CNP: variants seen among roughly 807,000 people sequenced by gnomAD.
CNP encodes the protein 2',3'-cyclic nucleotide 3' phosphodiesterase.
In CNP, 8 loss-of-function variants were observed where a neutral mutation model predicts 37.9. That is an observed-to-expected ratio of 0.21 (90% CI 0.12 to 0.38). The LOEUF (loss-of-function observed/expected upper bound fraction) is 0.38. Ranked by LOEUF, CNP falls within the 10% of genes least tolerant of loss-of-function variation. The probability of loss-of-function intolerance (pLI) is 1.00; values close to 1 mark genes in which losing one functional copy is unlikely to be tolerated. For synonymous variants in CNP, 237 were observed against 238.3 expected (o/e 0.99, Z 0.05); for missense variants, 457 against 551.0 (o/e 0.83, Z 1.71).
chr17:41,971,414 T>C (rs1478719014), intron 2 of CNP: 1 of 152,268 alleles, frequency 6.6e-6, no homozygotes, highest in Non-Finnish European at 1.5e-5. Context: ...TTTTTTTTTT[T>C]TGGAGACGGA....
At chr17:41,972,911 G>C (rs914456058) in intron 3 of CNP, among the ~76,000 whole-genome samples, 6 of 152,206 alleles carry the variant, frequency 3.9e-5, no homozygotes, top group African/African-American at 1.4e-4. Context: ...GAATCAGATA[G>C]AAGCAGACAT....
At position 41,976,791 on chromosome 17, in the gene CNP, T is replaced by C. The variant is rs945125252; in HGVS notation, c.*2867T>C. On this transcript the variant is annotated 3_prime_UTR_variant, in exon 4 of 4. Transcript: ENST00000393892. The stretch of plus-strand genomic sequence containing the variant: ...AGATGCTGAAAGAGAAAAGAGGGGT[T>C]GGTAGTTGGCTATGGATTTTCTAAG... 1.2e-6 allele frequency: 2 copies of C among 1,606,740 alleles called. No homozygotes were observed. Among genetic ancestry groups the C allele is most frequent in the African/African-American group, 2.7e-5 (2 of 74,002 alleles).
rs1598105675 is a variant in CNP at position 41,973,367 on chromosome 17, T to C, written c.817-108T>C. On this transcript the variant is annotated intron_variant, in intron 3 of 3. Transcript: ENST00000393892. ...CCGACCCCTGCTCAGCTGTGCTCAC[T>C]TCTGTTAGACTTCCCCTTCTCTCCT... 1.1e-5 allele frequency: 12 copies of C among 1,068,468 alleles called. No individual in the cohort carries two copies. The East Asian group carries it at 2.6e-4, about 23-fold the overall frequency. 66.2% of individuals were successfully genotyped at this position (1,068,468 alleles called of 1,614,324 possible). A position where few individuals can be genotyped will look rare whatever the true frequency, so the allele number is the denominator to read the frequency against.
chr17:41,974,907 C>T lies in CNP; in HGVS notation c.*983C>T, dbSNP rs1567949051. The T allele has an allele frequency of 6.6e-6, 1 of 152,278 alleles. No individual in the cohort carries two copies. Among genetic ancestry groups the T allele is most frequent in the African/African-American group, 2.4e-5 (1 of 41,432 alleles). The allele number at this position is 152,278 out of a possible 1,614,324, so 9.4% of individuals were successfully genotyped here. ...CTGGAGGCCTCTGGGCCTCCTCTAA[C>T]AGGGGCTGGTGGGCACCAAGAGCCA... On this transcript the variant is annotated 3_prime_UTR_variant, in exon 4 of 4. Transcript: ENST00000393892.
In CNP at chr17:41,973,690, G is replaced by A. The variant is rs781997085; in HGVS notation, c.1032G>A (p.Thr344=). Residue 344 remains threonine (T), a synonymous_variant, in exon 4 of 4, where the codon ACG becomes ACA. Coordinates refer to ENST00000393892, the MANE Select transcript of CNP (RefSeq NM_033133.5). ...CAGCTGACGTAGAGGCCGTGCAGAC[G>A]GGCCTTGACCTCTTAGAGATTCTGC... The part of the protein sequence containing the change: ...GCAADVEAVQ[T]GLDLLEILRQ... 1.2e-5 allele frequency: 20 copies of A among 1,613,486 alleles called. No homozygotes were observed. The highest frequency in any genetic ancestry group is 1.2e-4 in the African/African-American group (9 of 74,928).
rs2143070841 is a variant in CNP, at chr17:41,976,974, TTATC to T, written c.*3054_*3057del. 2 of 662,406 alleles carry T rather than the reference TTATC, an allele frequency of 3.0e-6. No individual in the cohort carries two copies. The highest frequency in any genetic ancestry group is 3.0e-5 in the Admixed American group (1 of 33,832). The allele number at this position is 662,406 out of a possible 1,614,324, so 41.0% of individuals were successfully genotyped here. A position where few individuals can be genotyped will look rare whatever the true frequency, so the allele number is the denominator to read the frequency against. On this transcript the variant is annotated 3_prime_UTR_variant, in exon 4 of 4. Coordinates refer to ENST00000393892, the MANE Select transcript of CNP (RefSeq NM_033133.5). Reference sequence around the variant, plus strand: ...ACATGGGTAGCTTCTGACCTCAGCATTATCTATATAGTACCTTTGCTCTTGCAGA... The same window carrying T: ...ACATGGGTAGCTTCTGACCTCAGCATTATATAGTACCTTTGCTCTTGCAGA...
intron 3 of CNP, among the ~76,000 whole-genome samples, chr17:41,973,173 G>A (rs977312705): frequency 2.0e-5 from 3 of 152,240 alleles, no homozygotes; most frequent in Non-Finnish European, 2.9e-5. Flanking sequence ...GGCACCGAGA[G>A]GTCAGCCAGC....
intron 1 of CNP, chr17:41,967,134 C>A: frequency 2.5e-6 from 1 of 393,922 alleles, no homozygotes; most frequent in Non-Finnish European, 4.3e-6. Context: ...GAAGCTGCTG[C>A]GCCTCTGGGA....
intron 2 of CNP, chr17:41,970,868 A>T (rs1555643687): frequency 6.6e-6 from 1 of 152,180 alleles, no homozygotes; most frequent in Non-Finnish European, 1.5e-5. Context: ...ACAGGTGTGG[A>T]GTCTGGAAAT....
At position 41,974,910 on chromosome 17, in the gene CNP, G is replaced by A. The variant is rs1555644505; in HGVS notation, c.*986G>A. 6.6e-6 allele frequency: 1 copy of A among 152,212 alleles called. No homozygotes were observed. Among genetic ancestry groups the A allele is most frequent in the East Asian group, 1.9e-4 (1 of 5,178 alleles). 9.4% of individuals were successfully genotyped at this position (152,212 alleles called of 1,614,324 possible). A position where few individuals can be genotyped will look rare whatever the true frequency, so the allele number is the denominator to read the frequency against. On this transcript the variant is annotated 3_prime_UTR_variant, in exon 4 of 4. Coordinates refer to ENST00000393892, the MANE Select transcript of CNP (RefSeq NM_033133.5). ...GAGGCCTCTGGGCCTCCTCTAACAG[G>A]GGCTGGTGGGCACCAAGAGCCAATG...
At position 41,977,299 on chromosome 17, in the gene CNP, T is replaced by C. The variant is rs369947605; in HGVS notation, c.*3375T>C. Reference sequence around the variant, plus strand: ...GCCGCCAGGACCGCCAAAGAATGCCTTGAAGATATTGTTTGGATCAAAATC... The same window carrying C: ...GCCGCCAGGACCGCCAAAGAATGCCCTGAAGATATTGTTTGGATCAAAATC... On this transcript the variant is annotated 3_prime_UTR_variant, in exon 4 of 4. Coordinates refer to ENST00000393892, the MANE Select transcript of CNP (RefSeq NM_033133.5). 1 of 1,584,012 alleles carries C rather than the reference T, an allele frequency of 6.3e-7. No homozygotes were observed. Among genetic ancestry groups the C allele is most frequent in the Non-Finnish European group, 8.6e-7 (1 of 1,165,088 alleles).
intron 1 of CNP, 84 bp downstream of exon 1, chr17:41,966,971 A>C (rs2050906338): frequency 1.6e-6 from 2 of 1,252,432 alleles, no homozygotes; most frequent in Non-Finnish European, 1.0e-6. Flanking sequence ...AGCGTCTTGC[A>C]AACGAGGACC....
At chr17:41,972,632 C>CCTAGGTTA (rs1475506773) in intron 3 of CNP, among the ~76,000 whole-genome samples, 1 of 152,206 alleles carries the variant, frequency 6.6e-6, no homozygotes, top group Non-Finnish European at 1.5e-5. Flanking sequence ...CACTTCTCTG[C>CCTAGGTTA]CTAGGTTAGC....
rs1555643275 is a variant in CNP, at chr17:41,968,508, G to A, written c.444G>A (p.Val148=). 2 of 1,614,178 alleles carry A rather than the reference G, an allele frequency of 1.2e-6. No individual in the cohort carries two copies. The highest frequency in any genetic ancestry group is 1.7e-6 in the Non-Finnish European group (2 of 1,180,036). The change falls in exon 2 of 4, where the codon GTG becomes GTA. Residue 148 remains valine, a synonymous_variant. Transcript: ENST00000393892. This position sits in a 1 kb window ranked among gnomAD's most constrained non-coding sequence, Gnocchi z 4.8. ...AGTACCAGTACCAGGTGGTGCTGGT[G>A]GAGCCCAAGACGGCGTGGCGGCTGG... The part of the protein sequence containing the change: ...ADQYQYQVVL[V]EPKTAWRLDC...
chr17:41,968,833 G>A lies in CNP; in HGVS notation c.676+93G>A. 1 of 1,381,708 alleles carries A rather than the reference G, an allele frequency of 7.2e-7. No individual in the cohort carries two copies. The highest frequency in any genetic ancestry group is 9.7e-7 in the Non-Finnish European group (1 of 1,034,570). 85.6% of individuals were successfully genotyped at this position (1,381,708 alleles called of 1,614,324 possible). A position where few individuals can be genotyped will look rare whatever the true frequency, so the allele number is the denominator to read the frequency against. On this transcript the variant is annotated intron_variant, in intron 2 of 3. Transcript: ENST00000393892. This position sits in a 1 kb window ranked among gnomAD's most constrained non-coding sequence, Gnocchi z 4.8. ...TCATTGTACTCAAAGGATGGAGCAC[G>A]AAGCAGCAGGAGGCAGAGAGAGGCT...
In CNP at chr17:41,966,905, G is replaced by A; in HGVS notation, c.3+18G>A. ...TCATCATGGTGAGAGGCCGGGCGGGGCCGGGCACGGGGTAGCACCAGGGCG... is the reference window on the plus strand; with the variant it reads ...TCATCATGGTGAGAGGCCGGGCGGGACCGGGCACGGGGTAGCACCAGGGCG... On this transcript the variant is annotated intron_variant, in intron 1 of 3. Coordinates refer to ENST00000393892, the MANE Select transcript of CNP (RefSeq NM_033133.5). 7.5e-7 allele frequency: 1 copy of A among 1,341,020 alleles called. No individual in the cohort carries two copies. Among genetic ancestry groups the A allele is most frequent in the Non-Finnish European group, 9.5e-7 (1 of 1,047,346 alleles). The allele number at this position is 1,341,020 out of a possible 1,614,324, so 83.1% of individuals were successfully genotyped here. A position where few individuals can be genotyped will look rare whatever the true frequency, so the allele number is the denominator to read the frequency against.
At chr17:41,972,365 AG>A (rs1374070389) in intron 3 of CNP, among the ~76,000 whole-genome samples, 6 of 152,074 alleles carry the variant, frequency 3.9e-5, no homozygotes, top group African/African-American at 1.4e-4. Context: ...TCCAAAGACT[AG>A]GAGTCCTTCG....
Position 41,973,716 on chromosome 17 carries a change from G to A in CNP, c.1058G>A (p.Arg353Gln), listed in dbSNP as rs782146999. 4 of 1,611,754 alleles carry A rather than the reference G, an allele frequency of 2.5e-6. No individual in the cohort carries two copies. The highest frequency in any genetic ancestry group is 1.7e-5 in the Admixed American group (1 of 59,878). Residue 353 changes from arginine (R) to glutamine (Q), a missense_variant, in exon 4 of 4, where the codon CGG becomes CAG. Around this residue, in one of 2 missense-constraint regions of CNP, gnomAD observed 291 missense variants for 291.7 expected, o/e 1.00. Coordinates refer to ENST00000393892, the MANE Select transcript of CNP (RefSeq NM_033133.5). ...QTGLDLLEILRQEKGGSRGEE... is the reference protein window; with the variant it reads ...QTGLDLLEILQQEKGGSRGEE... ...GGCCTTGACCTCTTAGAGATTCTGCGGCAGGAGAAGGGGGGCAGCCGAGGC... is the reference window on the plus strand; with the variant it reads ...GGCCTTGACCTCTTAGAGATTCTGCAGCAGGAGAAGGGGGGCAGCCGAGGC...
In CNP at chr17:41,977,620, T is replaced by C. The variant is rs782096299; in HGVS notation, c.*3696T>C. The C allele has an allele frequency of 7.2e-6, 2 of 277,758 alleles. No individual in the cohort carries two copies. Among genetic ancestry groups the C allele is most frequent in the Non-Finnish European group, 1.4e-5 (2 of 146,200 alleles). 17.2% of individuals were successfully genotyped at this position (277,758 alleles called of 1,614,324 possible). Reference sequence around the variant, plus strand: ...GTTTTCTCAACAAATGGAATGCCATTTGCACTTACACAAGACTTTCCCCAT... The same window carrying C: ...GTTTTCTCAACAAATGGAATGCCATCTGCACTTACACAAGACTTTCCCCAT... On this transcript the variant is annotated 3_prime_UTR_variant, in exon 4 of 4. Transcript: ENST00000393892.
Sources: gnomAD v4.1 joint callset for allele counts (sites outside exome capture counted in the v4.1 genomes callset) on GRCh38, gnomAD v4.1.1 for gene constraint, gnomAD v4.1.1 regional missense constraint, Gnocchi (gnomAD v3.1) non-coding constraint, MANE v1.5 for transcripts, NCBI Gene and HGNC (gene_info 2026-07-23, HGNC 2026-07-21) for gene names.